The following ZKSCAN3 variants were observed in gnomAD, a reference collection of about 807,000 sequenced individuals.
The protein encoded by ZKSCAN3 is zinc finger with KRAB and SCAN domains 3.
A neutral mutation model predicts 30.7 loss-of-function variants in ZKSCAN3; 21 were observed. The ratio of observed to expected loss-of-function variants is 0.68; its 90% CI spans 0.49 to 0.99. The LOEUF (loss-of-function observed/expected upper bound fraction) is 0.99. Among genes scored for constraint, ZKSCAN3 ranks in the 50% least tolerant of loss-of-function variants. The probability of loss-of-function intolerance (pLI) is 0.00; values close to 1 mark genes in which losing one functional copy is unlikely to be tolerated. For missense variants in ZKSCAN3, 507 were observed against 647.1 expected, an observed-to-expected ratio of 0.78 and a Z score of 2.35; for synonymous variants, 201 against 246.7, an observed-to-expected ratio of 0.81 and a Z score of 1.73.
chr6:28,365,805 C>G lies in ZKSCAN3; in HGVS notation c.1137C>G (p.Phe379Leu). The G allele has an allele frequency of 6.2e-7, 1 of 1,614,216 alleles. No individual in the cohort carries two copies. The highest frequency in any genetic ancestry group is 8.5e-7 in the Non-Finnish European group (1 of 1,180,042). ...PYECEECGKAFSHSSDLIKHQ... is the reference protein window; with the variant it reads ...PYECEECGKALSHSSDLIKHQ... ...AGTGTGAAGAATGTGGTAAGGCCTT[C>G]AGTCATAGCTCAGACCTTATCAAGC... Residue 379 changes from phenylalanine (F) to leucine (L), a missense_variant, in exon 6 of 6, where the codon TTC (phenylalanine) becomes TTG (leucine). Coordinates refer to ENST00000252211, the MANE Select transcript of ZKSCAN3 (RefSeq NM_024493.4).
At position 28,368,836 on chromosome 6, in the gene ZKSCAN3, A is replaced by C. The variant is rs2113940380; in HGVS notation, c.*2551A>C. 1 of 154,568 alleles carries C rather than the reference A, an allele frequency of 6.5e-6. No homozygotes were observed. Among genetic ancestry groups the C allele is most frequent in the East Asian group, 1.9e-4 (1 of 5,184 alleles). 9.6% of individuals were successfully genotyped at this position (154,568 alleles called of 1,614,324 possible). ...GAAATATGCTTTCATTATTGCATCTACTCACATTTCTCACTCGGTTTCTGG... is the reference window on the plus strand; with the variant it reads ...GAAATATGCTTTCATTATTGCATCTCCTCACATTTCTCACTCGGTTTCTGG... On this transcript the variant is annotated 3_prime_UTR_variant, in exon 6 of 6. Coordinates refer to ENST00000252211, the MANE Select transcript of ZKSCAN3 (RefSeq NM_024493.4).
In ZKSCAN3 at chr6:28,359,984, C is replaced by G; in HGVS notation, c.398C>G (p.Pro133Arg). Residue 133 changes from proline to arginine, a missense_variant, in exon 2 of 6, where the codon CCG (proline) becomes CGG (arginine). Pro to Arg is a moderately radical substitution (Grantham distance 103). Coordinates refer to ENST00000252211, the MANE Select transcript of ZKSCAN3 (RefSeq NM_024493.4). Reference sequence around the variant, plus strand: ...GAGAGGCAGCTGGATGAGCCGGCGCCGCAGGTAGAAAGAACAGGTTTAGTA... The same window carrying G: ...GAGAGGCAGCTGGATGAGCCGGCGCGGCAGGTAGAAAGAACAGGTTTAGTA... ...YLERQLDEPA[P>R]QVSGVDQGQE... 1 of 1,614,158 alleles carries G rather than the reference C, an allele frequency of 6.2e-7. No homozygotes were observed. The highest frequency in any genetic ancestry group is 8.5e-7 in the Non-Finnish European group (1 of 1,180,034).
chr6:28,352,886 GT>G (rs1400455536), intron 1 of ZKSCAN3, among the ~76,000 whole-genome samples: 1 of 151,984 alleles, frequency 6.6e-6, no homozygotes, highest in African/African-American at 2.4e-5. Flanking sequence ...AGGAATAGAG[GT>G]TCAGGAAGAC....
intron 1 of ZKSCAN3, among the ~76,000 whole-genome samples, chr6:28,359,063 A>T (rs1323148730): frequency 2.0e-5 from 3 of 152,146 alleles, no homozygotes; most frequent in Non-Finnish European, 4.4e-5. Context: ...GAATCTACTT[A>T]TGAGGTCATT....
chr6:28,363,354 T>G lies in ZKSCAN3; in HGVS notation c.602T>G (p.Val201Gly). 1 of 1,614,030 alleles carries G rather than the reference T, an allele frequency of 6.2e-7. No individual in the cohort carries two copies. Among genetic ancestry groups the G allele is most frequent in the Non-Finnish European group, 8.5e-7 (1 of 1,179,944 alleles). Residue 201 changes from valine (V) to glycine (G), a missense_variant, in exon 4 of 6, where the codon GTG becomes GGG. Val to Gly is a moderately radical substitution (Grantham distance 109). Coordinates refer to ENST00000252211, the MANE Select transcript of ZKSCAN3 (RefSeq NM_024493.4). Reference protein sequence around the residue: ...AHGGCCREDKVVASRLTPESQ... With the variant: ...AHGGCCREDKGVASRLTPESQ... ...GGAGGATGCTGCAGAGAAGATAAAG[T>G]GGTAGCTTCTAGGCTTACTCCAGAG...
rs2113936505 is a variant in ZKSCAN3, at chr6:28,367,149, C to G, written c.*864C>G. Reference sequence around the variant, plus strand: ...GCCAGGATGGTCTCGATCTCCTAACCTCATGATCCTCCTGCCTCAGCCTAC... The same window carrying G: ...GCCAGGATGGTCTCGATCTCCTAACGTCATGATCCTCCTGCCTCAGCCTAC... On this transcript the variant is annotated 3_prime_UTR_variant, in exon 6 of 6. Coordinates refer to ENST00000252211, the MANE Select transcript of ZKSCAN3 (RefSeq NM_024493.4). The G allele has an allele frequency of 6.6e-6, 1 of 152,278 alleles. No individual in the cohort carries two copies. The highest frequency in any genetic ancestry group is 2.1e-4 in the South Asian group (1 of 4,812). 9.4% of individuals were successfully genotyped at this position (152,278 alleles called of 1,614,324 possible).
chr6:28,353,222 C>T lies in ZKSCAN3; in HGVS notation c.-63+3155C>T, dbSNP rs192920464. The T allele has an allele frequency of 3.3e-3, 506 of 152,888 alleles. 1 individual carries two copies. The highest frequency in any genetic ancestry group is 6.1e-3 in the Non-Finnish European group (417 of 68,558). 9.5% of individuals were successfully genotyped at this position (152,888 alleles called of 1,614,324 possible). A position where few individuals can be genotyped will look rare whatever the true frequency, so the allele number is the denominator to read the frequency against. ...GACCTCATGATGTGCCCACCTCAGC[C>T]TCCCAAAGTGTTGGGATTACAGGCG... On this transcript the variant is annotated intron_variant, in intron 1 of 5. Transcript: ENST00000252211.
chr6:28,352,464 G>A (rs2113889754), intron 1 of ZKSCAN3, among the ~76,000 whole-genome samples: 1 of 152,174 alleles, frequency 6.6e-6, no homozygotes, highest in Non-Finnish European at 1.5e-5. Context: ...TATGGGCCAG[G>A]CTGTTCTTGA....
At chr6:28,357,898 G>A (rs213233) in intron 1 of ZKSCAN3, among the ~76,000 whole-genome samples, 21,340 of 152,162 alleles carry the variant, frequency 0.14, 1,581 homozygotes, top group East Asian at 0.3. Flanking sequence ...TAATGTGAAT[G>A]TTATGCCAGT....
intron 2 of ZKSCAN3, chr6:28,360,528 T>C (rs1561937677): frequency 1.0e-6 from 1 of 979,634 alleles, no homozygotes; most frequent in Non-Finnish European, 1.2e-6. Context: ...GGGAAGGAGT[T>C]CATGGACCAC....
intron 2 of ZKSCAN3, 60 bp downstream of exon 2, chr6:28,360,048 T>A (rs562608128): frequency 2.5e-4 from 401 of 1,613,808 alleles, no homozygotes; most frequent in Non-Finnish European, 3.2e-4. Context: ...AAATCCCAGA[T>A]CAGAGTGAGG....
chr6:28,363,930 AT>A, intron 5 of ZKSCAN3, 115 bp downstream of exon 5: 2 of 1,377,422 alleles, frequency 1.5e-6, no homozygotes. Context: ...CACAATCACC[AT>A]TTCTGAAAGC....
At chr6:28,360,228 T>A in intron 2 of ZKSCAN3, 1 of 677,406 alleles carries the variant, frequency 1.5e-6, no homozygotes. Flanking sequence ...GTTTGCAAAG[T>A]ATTAACTTTG....
At position 28,365,565 on chromosome 6, in the gene ZKSCAN3, C is replaced by A. The variant is rs1401474694; in HGVS notation, c.897C>A (p.Gly299=). ...GTGCAGAAGCTGGTGAACAGGAGGG[C>A]AGGCTACAAAGAAAGCAGAAAAATG... ...PTCAEAGEQE[G]RLQRKQKNAT... The change falls in exon 6 of 6, where the codon GGC becomes GGA. Residue 299 remains glycine, a synonymous_variant. Transcript: ENST00000252211. 1.2e-6 allele frequency: 2 copies of A among 1,614,240 alleles called. No homozygotes were observed. Among genetic ancestry groups the A allele is most frequent in the Non-Finnish European group, 1.7e-6 (2 of 1,180,050 alleles).
In ZKSCAN3 at chr6:28,365,559, G is replaced by C; in HGVS notation, c.891G>C (p.Gln297His). The C allele has an allele frequency of 6.2e-7, 1 of 1,614,276 alleles. No homozygotes were observed. ...CTACATGTGCAGAAGCTGGTGAACA[G>C]GAGGGCAGGCTACAAAGAAAGCAGA... ...QIPTCAEAGE[Q>H]EGRLQRKQKN... Residue 297 changes from glutamine to histidine, a missense_variant, in exon 6 of 6, where the codon CAG (glutamine) becomes CAC (histidine). Transcript: ENST00000252211.
At chr6:28,350,950 C>G (rs1361782800) in intron 1 of ZKSCAN3, among the ~76,000 whole-genome samples, 1 of 152,146 alleles carries the variant, frequency 6.6e-6, no homozygotes, top group Non-Finnish European at 1.5e-5. Context: ...ACTAGGACCC[C>G]TGGTTTTTGC....
At chr6:28,352,344 C>T (rs1366457757) in intron 1 of ZKSCAN3, among the ~76,000 whole-genome samples, 1 of 152,152 alleles carries the variant, frequency 6.6e-6, no homozygotes, top group African/African-American at 2.4e-5. Flanking sequence ...TCTCCATCTC[C>T]CAGGCTCAAG....
At position 28,363,757 on chromosome 6, in the gene ZKSCAN3, T is replaced by C; in HGVS notation, c.699T>C (p.Ser233=). ...CTGAATGGACACAGCAGGATTCATC[T>C]CAGGGGAATCTCTGTAGAGATGAAA... ...LTPEWTQQDS[S]QGNLCRDEKQ... The change falls in exon 5 of 6, where the codon TCT becomes TCC. Residue 233 remains serine, a synonymous_variant. Transcript: ENST00000252211. 6.2e-7 allele frequency: 1 copy of C among 1,614,064 alleles called. No homozygotes were observed. Among genetic ancestry groups the C allele is most frequent in the Non-Finnish European group, 8.5e-7 (1 of 1,179,982 alleles).
In ZKSCAN3 at chr6:28,363,310, G is replaced by T; in HGVS notation, c.558G>T (p.Gln186His). 1 of 1,614,014 alleles carries T rather than the reference G, an allele frequency of 6.2e-7. No homozygotes were observed. The highest frequency in any genetic ancestry group is 8.5e-7 in the Non-Finnish European group (1 of 1,179,920). Residue 186 changes from glutamine (Q) to histidine (H), a missense_variant, in exon 4 of 6, where the codon CAG (glutamine) becomes CAT (histidine). By Grantham distance (24) the Gln-to-His change is conservative. Coordinates refer to ENST00000252211, the MANE Select transcript of ZKSCAN3 (RefSeq NM_024493.4). ...AGCTTCTTTCCTTCTTAGTTCTCCA[G>T]GTCCCCGTGCTTGCCCATGGAGGAT... is the stretch of plus-strand genomic sequence containing the variant. ...GSQPLQDRVLQVPVLAHGGCC... is the reference protein window; with the variant it reads ...GSQPLQDRVLHVPVLAHGGCC...
Sources: allele counts gnomAD v4.1 joint callset (sites outside exome capture counted in the v4.1 genomes callset), GRCh38; gene constraint gnomAD v4.1.1; transcripts MANE v1.5; gene names NCBI Gene and HGNC (gene_info 2026-07-23, HGNC 2026-07-21).